LPP: variants seen among roughly 807,000 people sequenced by gnomAD.
LPP encodes LIM domain containing preferred translocation partner in lipoma.
Under a neutral mutation model 60.4 loss-of-function variants are expected in LPP, and 38 were observed. The observed-to-expected ratio is 0.63, with a 90% confidence interval of 0.49 to 0.83. The LOEUF (loss-of-function observed/expected upper bound fraction) is 0.83. Among genes scored for constraint, LPP ranks in the 40% least tolerant of loss-of-function variants. LPP has a pLI of 0.00. For missense variants in LPP, 902 were observed against 783.6 expected (o/e 1.15, Z -1.80); for synonymous variants, 328 against 290.8 (o/e 1.13, Z -1.30).
intron 7 of LPP, among the ~76,000 whole-genome samples, chr3:188,648,322 C>T (rs768138037): frequency 1.3e-5 from 2 of 152,126 alleles, no homozygotes; most frequent in Non-Finnish European, 2.9e-5. Flanking sequence ...ACTCCCACTC[C>T]ATAGATGAAG....
intron 1 of LPP, among the ~76,000 whole-genome samples, chr3:188,188,948 C>G (rs1014850743): frequency 7.0e-6 from 1 of 142,454 alleles, no homozygotes; most frequent in Non-Finnish European, 1.5e-5. Flanking sequence ...TACCTGTTGC[C>G]CTATGGAAAA....
Position 188,609,093 on chromosome 3 carries a change from A to T in LPP, c.430-68A>T. 8.7e-7 allele frequency: 1 copy of T among 1,154,122 alleles called. No homozygotes were observed. The highest frequency in any genetic ancestry group is 1.2e-6 in the Non-Finnish European group (1 of 803,882). The allele number at this position is 1,154,122 out of a possible 1,614,324, so 71.5% of individuals were successfully genotyped here. On this transcript the variant is annotated intron_variant, in intron 6 of 11. Coordinates refer to ENST00000617246, the MANE Select transcript of LPP (RefSeq NM_001375462.1). This position sits in a 1 kb window ranked among gnomAD's most constrained non-coding sequence, Gnocchi z 6.9. ...AGTTATTAATATTTTTCATTTATTCATTTTTATTGAGTTTCGTTGGCAGTA... is the reference window on the plus strand; with the variant it reads ...AGTTATTAATATTTTTCATTTATTCTTTTTTATTGAGTTTCGTTGGCAGTA...
intron 2 of LPP, among the ~76,000 whole-genome samples, chr3:188,268,921 CCA>C (rs57251600): frequency 0.41 from 62,093 of 151,810 alleles, 13,323 homozygotes; most frequent in Middle Eastern, 0.58. Context: ...ATTATTATGT[CCA>C]GTTTGTTGAT....
At chr3:188,753,598 T>TGTGTGC (rs1728845341) in intron 8 of LPP, among the ~76,000 whole-genome samples, 1 of 151,670 alleles carries the variant, frequency 6.6e-6, no homozygotes, top group Non-Finnish European at 1.5e-5. Context: ...TGTGTGTGTG[T>TGTGTGC]GTGTGTGTGT....
At chr3:188,797,649 T>C (rs934035720) in intron 9 of LPP, among the ~76,000 whole-genome samples, 7 of 151,618 alleles carry the variant, frequency 4.6e-5, no homozygotes, top group Admixed American at 2.0e-4. Flanking sequence ...CACATCTCTA[T>C]GTCTAAATCT....
chr3:188,197,676 G>A lies in LPP; in HGVS notation c.-189-27729G>A, dbSNP rs143257839. The stretch of plus-strand genomic sequence containing the variant: ...TCAGGTGAGGTCATGCTATGCCTGG[G>A]GTGAGTTTTGCCTCGGGGCTCCAGG... On this transcript the variant is annotated intron_variant, in intron 1 of 11. Coordinates refer to ENST00000617246, the MANE Select transcript of LPP (RefSeq NM_001375462.1). Among the ~76,000 whole-genome samples, 5 of 152,208 alleles carry A rather than the reference G, an allele frequency of 3.3e-5. No homozygotes were observed. In the East Asian group the frequency reaches 7.7e-4, roughly 24 times the overall value.
At chr3:188,293,710 A>G (rs76933116) in intron 2 of LPP, among the ~76,000 whole-genome samples, 6,661 of 152,220 alleles carry the variant, frequency 0.044, 469 homozygotes, top group African/African-American at 0.15. Context: ...TGAAAGGAAT[A>G]AAGTACTGAT....
intron 2 of LPP, among the ~76,000 whole-genome samples, chr3:188,296,749 A>G (rs187619019): frequency 9.1e-4 from 138 of 152,322 alleles, no homozygotes; most frequent in South Asian, 4.1e-4. Context: ...CCTGCACTCA[A>G]TAACTCCCAT....
At chr3:188,311,605 G>A (rs914797766) in intron 2 of LPP, among the ~76,000 whole-genome samples, 4 of 151,552 alleles carry the variant, frequency 2.6e-5, no homozygotes, top group Non-Finnish European at 2.9e-5. Context: ...TGAATTCATC[G>A]TTCTCTTTGA....
intron 6 of LPP, among the ~76,000 whole-genome samples, chr3:188,584,046 G>A (rs996586508): frequency 1.3e-5 from 2 of 152,112 alleles, no homozygotes; most frequent in African/African-American, 4.8e-5. Flanking sequence ...ATATGTGTAA[G>A]TACTACATCC....
intron 1 of LPP, among the ~76,000 whole-genome samples, chr3:188,198,790 G>C (rs1024173174): frequency 6.6e-6 from 1 of 152,122 alleles, no homozygotes; most frequent in Non-Finnish European, 1.5e-5. Context: ...AGAGAAACTG[G>C]TGTCCATGAA....
At chr3:188,159,295 T>C (rs2148677688) in intron 1 of LPP, among the ~76,000 whole-genome samples, 1 of 152,224 alleles carries the variant, frequency 6.6e-6, no homozygotes, top group South Asian at 2.1e-4. Context: ...CTACAATCCT[T>C]CCTATCACCT....
intron 4 of LPP, among the ~76,000 whole-genome samples, chr3:188,433,274 C>G (rs1791404610): frequency 6.6e-6 from 1 of 151,994 alleles, no homozygotes; most frequent in African/African-American, 2.4e-5. Context: ...TGGGGAAATC[C>G]TTTGTCCCTG....
At chr3:188,604,565 C>G (rs1282435230) in intron 6 of LPP, among the ~76,000 whole-genome samples, 1 of 152,034 alleles carries the variant, frequency 6.6e-6, no homozygotes, top group Non-Finnish European at 1.5e-5. Context: ...AATGAGATGA[C>G]TGTAATTAGG....
chr3:188,488,996 C>T (rs953934833), intron 5 of LPP, among the ~76,000 whole-genome samples: 2 of 152,068 alleles, frequency 1.3e-5, no homozygotes, highest in Non-Finnish European at 2.9e-5. Flanking sequence ...TTCAGCCAGG[C>T]CATAGGCAAG....
chr3:188,344,109 C>T (rs1763728700), intron 3 of LPP, among the ~76,000 whole-genome samples: 1 of 152,206 alleles, frequency 6.6e-6, no homozygotes, highest in Admixed American at 6.5e-5. Context: ...AAGATCTGTA[C>T]TTGAACGAGA....
intron 3 of LPP, among the ~76,000 whole-genome samples, chr3:188,386,168 G>C (rs545816697): frequency 1.3e-5 from 2 of 151,450 alleles, no homozygotes; most frequent in South Asian, 4.2e-4. Context: ...TGGCATATCA[G>C]GAAATAGGAA....
chr3:188,176,369 C>T (rs1454726946), intron 1 of LPP, among the ~76,000 whole-genome samples: 2 of 151,856 alleles, frequency 1.3e-5, no homozygotes, highest in Admixed American at 1.3e-4. Flanking sequence ...GGAAATGAGG[C>T]CTGGAAATAG....
chr3:188,715,462 G>C (rs556863199), intron 8 of LPP, among the ~76,000 whole-genome samples: 4 of 150,240 alleles, frequency 2.7e-5, no homozygotes, highest in African/African-American at 9.8e-5. Context: ...TCAATTCAGA[G>C]CTTATAATAG....
Sources: allele counts gnomAD v4.1 joint callset (sites outside exome capture counted in the v4.1 genomes callset), GRCh38; gene constraint gnomAD v4.1.1; non-coding constraint Gnocchi (gnomAD v3.1); transcripts MANE v1.5; gene names NCBI Gene and HGNC (gene_info 2026-07-23, HGNC 2026-07-21).